Variants in P3H2 observed in about 807,000 individuals in gnomAD.
P3H2 encodes the protein prolyl 3-hydroxylase 2, also known as leprecan-like 1.
P3H2 carries 80 observed loss-of-function variants against 87.0 expected under a neutral mutation model. That is an observed-to-expected ratio of 0.92 (90% CI 0.77 to 1.11). P3H2 has a LOEUF of 1.11. Among genes scored for constraint, P3H2 ranks in the 50% least tolerant of loss-of-function variants. P3H2 has a pLI of 0.00. For synonymous variants in P3H2, 367 were observed against 359.3 expected (o/e 1.02, Z -0.24); for missense variants, 1,001 against 923.9 (o/e 1.08, Z -1.08).
At chr3:190,011,187 T>G (rs1354548951) in intron 1 of P3H2, among the ~76,000 whole-genome samples, 3 of 150,988 alleles carry the variant, frequency 2.0e-5, no homozygotes, top group Non-Finnish European at 4.4e-5. Context: ...AGAGGAGAAT[T>G]GCTTGAACCC....
rs542289403 is a variant in P3H2 at position 189,957,119 on chromosome 3, G to C, written c.*793C>G. 6.5e-5 allele frequency: 26 copies of C among 398,384 alleles called. No homozygotes were observed. Among genetic ancestry groups the C allele is most frequent in the Non-Finnish European group, 1.1e-4 (24 of 226,076 alleles). 24.7% of individuals were successfully genotyped at this position (398,384 alleles called of 1,614,324 possible). A position where few individuals can be genotyped will look rare whatever the true frequency, so the allele number is the denominator to read the frequency against. On this transcript the variant is annotated 3_prime_UTR_variant, in exon 15 of 15. Transcript: ENST00000319332. ...ACACCAGAGCCAAAAATTCCACCAA[G>C]GCCCTGGAAAGACTGAAGTCCCCTC...
At chr3:190,028,353 T>A (rs2108945448) in intron 1 of P3H2, among the ~76,000 whole-genome samples, 1 of 152,316 alleles carries the variant, frequency 6.6e-6, no homozygotes, top group South Asian at 2.1e-4. Context: ...GCCCTACTCT[T>A]GCAGAGCACT....
intron 3 of P3H2, among the ~76,000 whole-genome samples, chr3:189,989,246 A>G (rs1577257430): frequency 6.6e-6 from 1 of 152,312 alleles, no homozygotes; most frequent in East Asian, 1.9e-4. Context: ...CTAGAACGAC[A>G]GTAGATTCCG....
chr3:190,116,488 T>C (rs917655947), intron 1 of P3H2: 5 of 152,128 alleles, frequency 3.3e-5, no homozygotes, highest in African/African-American at 4.8e-5. Context: ...CCCATATCTA[T>C]CCATTCTAAA....
chr3:190,075,915 C>T (rs1014283543), intron 1 of P3H2, among the ~76,000 whole-genome samples: 1 of 152,144 alleles, frequency 6.6e-6, no homozygotes, highest in Non-Finnish European at 1.5e-5. Context: ...GTATTAACTT[C>T]CCACAACTAA....
chr3:190,036,187 A>C (rs529434664), intron 1 of P3H2, among the ~76,000 whole-genome samples: 55 of 152,162 alleles, frequency 3.6e-4, no homozygotes, highest in African/African-American at 1.3e-3. Flanking sequence ...TTTTTGTATA[A>C]CCACATCACT....
intron 1 of P3H2, among the ~76,000 whole-genome samples, chr3:190,014,319 G>A (rs913496494): frequency 6.6e-6 from 1 of 152,208 alleles, no homozygotes; most frequent in Non-Finnish European, 1.5e-5. Context: ...TGAGAGAAAA[G>A]TAGATAGGTG....
At chr3:190,117,170 A>T (rs1207269875) in intron 1 of P3H2, among the ~76,000 whole-genome samples, 1 of 152,208 alleles carries the variant, frequency 6.6e-6, no homozygotes, top group Non-Finnish European at 1.5e-5. Context: ...TAAATATGTG[A>T]CACTGAGCAA....
intron 1 of P3H2, among the ~76,000 whole-genome samples, chr3:190,036,405 T>G (rs566335283): frequency 8.8e-4 from 134 of 152,320 alleles, no homozygotes; most frequent in Non-Finnish European, 1.4e-3. Context: ...ATCAAATTAT[T>G]TTGCACCTTA....
At chr3:190,055,798 G>A (rs541380930) in intron 1 of P3H2, among the ~76,000 whole-genome samples, 1 of 152,130 alleles carries the variant, frequency 6.6e-6, no homozygotes, top group Non-Finnish European at 1.5e-5. Flanking sequence ...GATAATAAAA[G>A]TAAGCTTTCT....
intron 1 of P3H2, among the ~76,000 whole-genome samples, chr3:190,030,211 T>C (rs1021508618): frequency 2.6e-5 from 4 of 152,118 alleles, no homozygotes; most frequent in Non-Finnish European, 5.9e-5. Context: ...TTATAAGCAA[T>C]GTGTCATAGC....
At chr3:190,042,899 A>G (rs1291074459) in intron 1 of P3H2, among the ~76,000 whole-genome samples, 1 of 152,220 alleles carries the variant, frequency 6.6e-6, no homozygotes, top group Non-Finnish European at 1.5e-5. Context: ...AAGCCAGACT[A>G]GAAACAAAGG....
intron 1 of P3H2, among the ~76,000 whole-genome samples, chr3:190,031,723 T>C (rs1725259601): frequency 7.1e-6 from 1 of 140,186 alleles, no homozygotes; most frequent in Non-Finnish European, 1.5e-5. Context: ...AAAAGTCTAA[T>C]AGATACAATC....
intron 1 of P3H2, among the ~76,000 whole-genome samples, chr3:190,043,775 A>G (rs1021128186): frequency 2.6e-5 from 4 of 152,196 alleles, no homozygotes; most frequent in Non-Finnish European, 5.9e-5. Context: ...GGAATTATGA[A>G]CCTTGAGCCA....
chr3:190,120,659 C>T lies in P3H2; in HGVS notation c.73G>A (p.Gly25Ser). ...PLLLPPPLWG[G>S]PPDSPRRELE... is the part of the protein sequence containing the mutation. ...TCCCGGCGTGGGCTGTCCGGGGGGC[C>T]GCCCCACAGTGGCGGCGGCAGTAGC... Residue 25 changes from glycine (G) to serine (S), a missense_variant, in exon 1 of 15, where the codon GGC (glycine) becomes AGC (serine). Gly to Ser is a moderately conservative substitution (Grantham distance 56, BLOSUM62 0). Coordinates refer to ENST00000319332, the MANE Select transcript of P3H2 (RefSeq NM_018192.4). 6.6e-7 allele frequency: 1 copy of T among 1,524,402 alleles called. No homozygotes were observed. The highest frequency in any genetic ancestry group is 2.0e-5 in the Admixed American group (1 of 50,500). 94.4% of individuals were successfully genotyped at this position (1,524,402 alleles called of 1,614,324 possible).
At chr3:189,976,631 C>A (rs534283170) in intron 8 of P3H2, among the ~76,000 whole-genome samples, 1 of 152,240 alleles carries the variant, frequency 6.6e-6, no homozygotes, top group South Asian at 2.1e-4. Flanking sequence ...ATAAGTGCAT[C>A]GTATTTCATT....
chr3:190,007,304 A>G (rs979187011), intron 1 of P3H2, among the ~76,000 whole-genome samples: 3 of 152,182 alleles, frequency 2.0e-5, no homozygotes, highest in Non-Finnish European at 2.9e-5. Context: ...ATGCAAAGCT[A>G]AAGGCATGCT....
intron 1 of P3H2, among the ~76,000 whole-genome samples, chr3:190,018,655 G>T (rs1015219518): frequency 6.6e-6 from 1 of 152,138 alleles, no homozygotes; most frequent in Non-Finnish European, 1.5e-5. Context: ...GTTGCAATGA[G>T]CTATGATTGT....
rs57074960 is a variant in P3H2, at chr3:190,095,303, C to CATATAT, written c.480+24943_480+24948dup. Among the ~76,000 whole-genome samples the CATATAT allele has an allele frequency of 6.2e-3, 305 of 49,424 alleles. 13 individuals carry two copies. Among genetic ancestry groups the CATATAT allele is most frequent in the South Asian group, 8.0e-3 (8 of 1,006 alleles). The allele number at this position is 49,424 out of a possible 152,430, so 32.4% of individuals were successfully genotyped here. A position where few individuals can be genotyped will look rare whatever the true frequency, so the allele number is the denominator to read the frequency against. ...GTCTCAAAGACAAATTGTCTCAAAA[C>CATATAT]ATATATATATATATATATATATATA... On this transcript the variant is annotated intron_variant, in intron 1 of 14. Transcript: ENST00000319332.
Sources: gnomAD v4.1 joint callset for allele counts (sites outside exome capture counted in the v4.1 genomes callset) on GRCh38, gnomAD v4.1.1 for gene constraint, MANE v1.5 for transcripts, NCBI Gene and HGNC (gene_info 2026-07-23, HGNC 2026-07-21) for gene names.